Variants in TASP1 observed in about 807,000 individuals in gnomAD.
TASP1 encodes taspase 1.
In TASP1, 16 loss-of-function variants were observed where a neutral mutation model predicts 56.6. That is an observed-to-expected ratio of 0.28 (90% CI 0.19 to 0.43). TASP1 has a LOEUF of 0.43. Ranked by LOEUF, TASP1 falls within the 20% of genes least tolerant of loss-of-function variation. The pLI, the probability that TASP1 is intolerant of heterozygous loss-of-function variation, is 1.00. For missense variants in TASP1, 393 were observed against 511.6 expected, an observed-to-expected ratio of 0.77 and a Z score of 2.24; for synonymous variants, 179 against 184.2, an observed-to-expected ratio of 0.97 and a Z score of 0.23.
chr20:13,198,995 T>A, the TASP1 span, among the ~76,000 whole-genome samples: 1 of 151,440 alleles, frequency 6.6e-6, no homozygotes, highest in Middle Eastern at 3.4e-3. Flanking sequence ...AGCCTCCAAC[T>A]CCTGGGCTCA....
the TASP1 span, among the ~76,000 whole-genome samples, chr20:13,251,601 G>T: frequency 6.6e-6 from 1 of 152,292 alleles, no homozygotes; most frequent in South Asian, 2.1e-4. Context: ...TATGTGGGAG[G>T]TAGAGATCAT....
intron 10 of TASP1, among the ~76,000 whole-genome samples, chr20:13,484,410 AC>A (rs1332823161): frequency 2.0e-5 from 3 of 152,140 alleles, no homozygotes; most frequent in African/African-American, 7.2e-5. Flanking sequence ...ACCAACCCAA[AC>A]GTCCATCAAT....
At chr20:13,285,021 G>A in the TASP1 span, among the ~76,000 whole-genome samples, 1 of 152,316 alleles carries the variant, frequency 6.6e-6, no homozygotes, top group Admixed American at 6.5e-5. Flanking sequence ...GCATGGTGAC[G>A]TATGTCTGTA....
At chr20:13,220,803 G>A in the TASP1 span, among the ~76,000 whole-genome samples, 1 of 152,330 alleles carries the variant, frequency 6.6e-6, no homozygotes, top group African/African-American at 2.4e-5. Context: ...CGCATGGCTT[G>A]TCCGGCGCCC....
At chr20:13,308,237 G>A in the TASP1 span, among the ~76,000 whole-genome samples, 2 of 152,164 alleles carry the variant, frequency 1.3e-5, no homozygotes, top group Non-Finnish European at 2.9e-5. Flanking sequence ...CCCAGTGGGG[G>A]TGTCTGTAAC....
At chr20:13,621,420 G>A (rs1157916191) in intron 4 of TASP1, among the ~76,000 whole-genome samples, 7 of 152,062 alleles carry the variant, frequency 4.6e-5, no homozygotes, top group Admixed American at 1.3e-4. Flanking sequence ...TACAGAGTGA[G>A]AATCCATCTC....
intron 4 of TASP1, among the ~76,000 whole-genome samples, chr20:13,594,340 C>T (rs6042232): frequency 0.042 from 6,377 of 152,234 alleles, 264 homozygotes; most frequent in African/African-American, 0.11. Context: ...CACAGCTCTT[C>T]GCCAGCAATG....
chr20:13,322,163 A>G, the TASP1 span, among the ~76,000 whole-genome samples: 1 of 152,216 alleles, frequency 6.6e-6, no homozygotes, highest in Non-Finnish European at 1.5e-5. Context: ...ACAGAGCTGA[A>G]AAGCTGCAAC....
intron 1 of TASP1, among the ~76,000 whole-genome samples, chr20:13,634,746 A>C (rs1247932221): frequency 6.8e-6 from 1 of 147,894 alleles, no homozygotes; most frequent in Non-Finnish European, 1.5e-5. Flanking sequence ...AAAAAAAAAA[A>C]GCCTGGGCTC....
At chr20:13,407,835 T>C (rs1369908443) in intron 13 of TASP1, among the ~76,000 whole-genome samples, 1 of 152,184 alleles carries the variant, frequency 6.6e-6, no homozygotes, top group African/African-American at 2.4e-5. Flanking sequence ...ACTACTGATG[T>C]TGAGCATCTT....
chr20:13,182,207 T>A, the TASP1 span, among the ~76,000 whole-genome samples: 2 of 152,190 alleles, frequency 1.3e-5, no homozygotes, highest in African/African-American at 4.8e-5. Context: ...CCTGTCAAAC[T>A]CCTATTCATC....
the TASP1 span, among the ~76,000 whole-genome samples, chr20:13,148,972 G>T: frequency 2.0e-5 from 3 of 152,160 alleles, no homozygotes; most frequent in Non-Finnish European, 2.9e-5. Context: ...TGTAAGATAA[G>T]CTTATCTCTA....
intron 10 of TASP1, among the ~76,000 whole-genome samples, chr20:13,527,049 A>T (rs1305027469): frequency 6.6e-6 from 1 of 152,298 alleles, no homozygotes; most frequent in East Asian, 1.9e-4. Flanking sequence ...TCATGAGAAC[A>T]GCAGAAATAA....
chr20:13,369,503 G>A, the TASP1 span, among the ~76,000 whole-genome samples: 1 of 152,142 alleles, frequency 6.6e-6, no homozygotes, highest in African/African-American at 2.4e-5. Flanking sequence ...AAGCCTAGGT[G>A]GGCTTATCTG....
chr20:13,247,521 T>G, the TASP1 span, among the ~76,000 whole-genome samples: 102 of 92,470 alleles, frequency 1.1e-3, no homozygotes, highest in Admixed American at 2.0e-3. Flanking sequence ...GTGAGGGGTG[T>G]GTGTGTGTGT....
chr20:13,344,344 CACA>C, the TASP1 span, among the ~76,000 whole-genome samples: 1 of 152,062 alleles, frequency 6.6e-6, no homozygotes, highest in Non-Finnish European at 1.5e-5. Context: ...TTTCCTTCAA[CACA>C]ACATTTGGAA....
intron 8 of TASP1, among the ~76,000 whole-genome samples, chr20:13,556,540 A>C (rs73086022): frequency 0.16 from 24,713 of 152,222 alleles, 2,345 homozygotes; most frequent in Middle Eastern, 0.23. Context: ...GAATAAAATT[A>C]TTGAATAAAA....
chr20:13,444,609 G>C (rs2043334958), intron 11 of TASP1, among the ~76,000 whole-genome samples: 2 of 152,192 alleles, frequency 1.3e-5, no homozygotes, highest in African/African-American at 2.4e-5. Context: ...GGAAGATCAA[G>C]GACTTTTTCT....
intron 8 of TASP1, among the ~76,000 whole-genome samples, chr20:13,536,154 G>A (rs949292475): frequency 3.3e-5 from 5 of 152,230 alleles, no homozygotes; most frequent in Admixed American, 2.6e-4. Flanking sequence ...ACATCATCAG[G>A]AGAATTTGTT....
Sources: allele counts gnomAD v4.1 joint callset (sites outside exome capture counted in the v4.1 genomes callset), GRCh38; gene constraint gnomAD v4.1.1; transcripts MANE v1.5; gene names NCBI Gene and HGNC (gene_info 2026-07-23, HGNC 2026-07-21).